Variants in EHBP1L1 observed in about 807,000 individuals in gnomAD.
EHBP1L1 encodes the protein EH domain-binding protein 1-like protein 1.
In EHBP1L1, 122 loss-of-function variants were observed where a neutral mutation model predicts 151.1. The observed-to-expected ratio is 0.81, with a 90% confidence interval of 0.70 to 0.94. The LOEUF is 0.94. EHBP1L1 is among the 40% of genes least tolerant of loss of function. The probability of loss-of-function intolerance (pLI) is 0.00; values close to 1 mark genes in which losing one functional copy is unlikely to be tolerated. For synonymous variants in EHBP1L1, 878 were observed against 810.1 expected (o/e 1.08, Z -1.42); for missense variants, 1,941 against 1,959.8 (o/e 0.99, Z 0.18).
In EHBP1L1 at chr11:65,581,284, C is replaced by T. The variant is rs1857593449; in HGVS notation, c.777C>T (p.Ser259=). ...CTCCTGCACCCCCAGCCAGAACCTC[C>T]CGAGGCCAGGGGTCAGAACGAGCTA... The part of the protein sequence containing the change: ...VSAPAPPART[S]RGQGSERANE... Residue 259 remains serine, a synonymous_variant, in exon 8 of 19, where the codon TCC becomes TCT. Coordinates refer to ENST00000309295, the MANE Select transcript of EHBP1L1 (RefSeq NM_001099409.3). 3.1e-6 allele frequency: 5 copies of T among 1,612,164 alleles called. No individual in the cohort carries two copies. In the South Asian group the frequency reaches 5.5e-5, roughly 18 times the overall value.
intron 12 of EHBP1L1, among the ~76,000 whole-genome samples, chr11:65,586,434 C>T (rs1480306822): frequency 6.6e-6 from 1 of 152,202 alleles, no homozygotes; most frequent in South Asian, 2.1e-4. Context: ...ATGACCCCTG[C>T]ATTTGAAGGA....
Position 65,582,450 on chromosome 11 carries a change from G to A in EHBP1L1, c.1778G>A (p.Gly593Glu). ...GTQEKEVEGS[G>E]FPETRTLEIE... ...CAGGAGAAAGAAGTTGAGGGGTCAG[G>A]GTTCCCAGAGACTAGGACACTAGAA... Residue 593 changes from glycine (G) to glutamate (E), a missense_variant, in exon 9 of 19, where the codon GGG (glycine) becomes GAG (glutamate). Transcript: ENST00000309295. 1 of 1,612,712 alleles carries A rather than the reference G, an allele frequency of 6.2e-7. No homozygotes were observed. Among genetic ancestry groups the A allele is most frequent in the Non-Finnish European group, 8.5e-7 (1 of 1,179,760 alleles).
Position 65,580,094 on chromosome 11 carries a change from A to G in EHBP1L1, c.326A>G (p.Gln109Arg). Reference protein sequence around the residue: ...TFIIENESKGQRKVLATAEVD... With the variant: ...TFIIENESKGRRKVLATAEVD... ...CCTGGCCCACAGGAGTCTAAGGGGC[A>G]GCGGAAGGTGCTGGCCACGGCCGAG... The change falls in exon 5 of 19, where the codon CAG becomes CGG. Residue 109 changes from glutamine (Q) to arginine (R), a missense_variant. Coordinates refer to ENST00000309295, the MANE Select transcript of EHBP1L1 (RefSeq NM_001099409.3). The G allele has an allele frequency of 6.2e-7, 1 of 1,613,102 alleles. No individual in the cohort carries two copies. The highest frequency in any genetic ancestry group is 8.5e-7 in the Non-Finnish European group (1 of 1,179,396).
chr11:65,588,662 C>T (rs1394165392), intron 12 of EHBP1L1, among the ~76,000 whole-genome samples: 3 of 152,190 alleles, frequency 2.0e-5, no homozygotes, highest in Non-Finnish European at 4.4e-5. Context: ...GGGGCCAGGG[C>T]AGGAGCAGTT....
chr11:65,591,179 A>G (rs1211916), intron 16 of EHBP1L1: 2 of 162,024 alleles, frequency 1.2e-5, no homozygotes, highest in Admixed American at 5.8e-5. Flanking sequence ...AGGTCAGGAG[A>G]TTGAGACCAT....
chr11:65,580,541 G>T, intron 6 of EHBP1L1, 62 bp downstream of exon 6: 1 of 1,567,438 alleles, frequency 6.4e-7, no homozygotes, highest in South Asian at 1.2e-5. Context: ...GGTTACCCGG[G>T]CCACCAGCCA....
At chr11:65,576,751 CAA>C (rs954072644) in intron 1 of EHBP1L1, among the ~76,000 whole-genome samples, 7 of 152,096 alleles carry the variant, frequency 4.6e-5, no homozygotes, top group Admixed American at 4.6e-4. Context: ...GAAAAGGGAT[CAA>C]GTTTTGAGGT....
chr11:65,586,027 C>T (rs547411039), intron 12 of EHBP1L1, among the ~76,000 whole-genome samples: 29 of 152,324 alleles, frequency 1.9e-4, no homozygotes, highest in African/African-American at 6.5e-4. Context: ...TCATCGTTAA[C>T]CAGCAGCCAC....
Position 65,583,120 on chromosome 11 carries a change from T to A in EHBP1L1, c.2448T>A (p.Thr816=). Residue 816 remains threonine, a synonymous_variant, in exon 9 of 19, where the codon ACT becomes ACA. Coordinates refer to ENST00000309295, the MANE Select transcript of EHBP1L1 (RefSeq NM_001099409.3). ...AGATAGCGACTGGGACAGCAGAAAC[T>A]GAGATATTGGGGACCCAAGAGATAG... The part of the protein sequence containing the change: ...VPEIATGTAE[T]EILGTQEIAS... 1 of 1,612,934 alleles carries A rather than the reference T, an allele frequency of 6.2e-7. No individual in the cohort carries two copies. The highest frequency in any genetic ancestry group is 1.1e-5 in the South Asian group (1 of 91,056).
Position 65,581,319 on chromosome 11 carries a change from G to A in EHBP1L1, c.812G>A (p.Gly271Glu), listed in dbSNP as rs747263408. 5.6e-6 allele frequency: 9 copies of A among 1,610,248 alleles called. No homozygotes were observed. The Admixed American group carries it at 1.3e-4, about 24-fold the overall frequency. The part of the protein sequence containing the change: ...GQGSERANEA[G>E]GQVGPEAPRP... ...GGGTCAGAACGAGCTAATGAAGCGGGGGGCCAGGTAGGCCCTGAGGCCCCA... is the reference window on the plus strand; with the variant it reads ...GGGTCAGAACGAGCTAATGAAGCGGAGGGCCAGGTAGGCCCTGAGGCCCCA... Residue 271 changes from glycine to glutamate, a missense_variant, in exon 8 of 19, where the codon GGG becomes GAG. Physicochemically the swap from Gly to Glu is moderately conservative, Grantham distance 98. Transcript: ENST00000309295.
chr11:65,579,235 C>G, intron 2 of EHBP1L1, 100 bp downstream of exon 2: 3 of 1,503,104 alleles, frequency 2.0e-6, no homozygotes, highest in Middle Eastern at 1.7e-4. Context: ...AAGCACAGAT[C>G]AGAATCCACA....
chr11:65,590,367 C>T, intron 15 of EHBP1L1, 126 bp from the exon 16 acceptor site: 2 of 1,494,286 alleles, frequency 1.3e-6, no homozygotes, highest in Non-Finnish European at 1.8e-6. Flanking sequence ...GAAGTGGCTT[C>T]CTCGAGGCAC....
chr11:65,576,515 C>A, intron 1 of EHBP1L1, 109 bp downstream of exon 1: 1 of 968,262 alleles, frequency 1.0e-6, no homozygotes, highest in Non-Finnish European at 1.5e-6. Flanking sequence ...AATGGGCCCC[C>A]ACCCCAGCTT....
rs1418202209 is a variant in EHBP1L1 at position 65,591,697 on chromosome 11, G to A, written c.4284-103G>A. ...CCTGCCCTCGGGAACTGCTGGGGAG[G>A]TGGGATGGGGTCAGGGAGTGGCCAG... On this transcript the variant is annotated intron_variant, in intron 16 of 18. Transcript: ENST00000309295. 10 of 919,136 alleles carry A rather than the reference G, an allele frequency of 1.1e-5. No individual in the cohort carries two copies. In the East Asian group the frequency reaches 1.6e-4, roughly 14 times the overall value. 56.9% of individuals were successfully genotyped at this position (919,136 alleles called of 1,614,324 possible).
At chr11:65,586,877 C>G (rs1857993246) in intron 12 of EHBP1L1, among the ~76,000 whole-genome samples, 1 of 152,218 alleles carries the variant, frequency 6.6e-6, no homozygotes, top group Admixed American at 6.5e-5. Flanking sequence ...GTTCCAGCAT[C>G]TGGTGTTTCC....
rs1291627928 is a variant in EHBP1L1 at position 65,584,332 on chromosome 11, TCAC to T, written c.3189_3191del (p.Thr1064del). 1.2e-6 allele frequency: 2 copies of T among 1,611,040 alleles called. No individual in the cohort carries two copies. Among genetic ancestry groups the T allele is most frequent in the Admixed American group, 1.7e-5 (1 of 59,680 alleles). ...TACCGTGGCGTCCGCATCACCAACT[TCAC>T]CACATCCTGGCGCAACGGCTTGGCC... On this transcript the variant is annotated inframe_deletion, in exon 10 of 19. Coordinates refer to ENST00000309295, the MANE Select transcript of EHBP1L1 (RefSeq NM_001099409.3).
chr11:65,579,634 G>T (rs1857496374), intron 3 of EHBP1L1, among the ~76,000 whole-genome samples, 198 bp downstream of exon 3: 1 of 152,022 alleles, frequency 6.6e-6, no homozygotes, highest in Non-Finnish European at 1.5e-5. Context: ...AACACATGCA[G>T]CATGAGAGGC....
chr11:65,589,391 C>T (rs1337577103), intron 12 of EHBP1L1, among the ~76,000 whole-genome samples: 3 of 152,050 alleles, frequency 2.0e-5, no homozygotes, highest in Non-Finnish European at 2.9e-5. Context: ...ATCTCCATCT[C>T]AAAAAAAGAG....
chr11:65,589,767 AC>A lies in EHBP1L1; in HGVS notation c.3954del (p.Ser1319AlafsTer59). The A allele has an allele frequency of 6.4e-7, 1 of 1,550,476 alleles. No individual in the cohort carries two copies. Among genetic ancestry groups the A allele is most frequent in the Non-Finnish European group, 8.7e-7 (1 of 1,147,268 alleles). ...GAAAAEGQAPDPSPAPGPPTA... is the reference protein window; with the variant it reads ...GAAAAEGQAPXPSPAPGPPTA... ...CTTCCACAGGAAGGCCAGGCCCCTG[AC>A]CCCAGCCCTGCCCCAGGCCCACCCA... is the stretch of plus-strand genomic sequence containing the variant. On this transcript the variant is annotated frameshift_variant, in exon 13 of 19. Coordinates refer to ENST00000309295, the MANE Select transcript of EHBP1L1 (RefSeq NM_001099409.3). LOFTEE classifies it high-confidence loss of function.
Sources: allele counts gnomAD v4.1 joint callset (sites outside exome capture counted in the v4.1 genomes callset), GRCh38; gene constraint gnomAD v4.1.1; transcripts MANE v1.5; gene names NCBI Gene and HGNC (gene_info 2026-07-23, HGNC 2026-07-21).